The following RNF213 variants were observed in gnomAD, a reference collection of about 807,000 sequenced individuals.
RNF213 encodes the protein ring finger protein 213.
Under a neutral mutation model 514.4 loss-of-function variants are expected in RNF213, and 341 were observed. The observed-to-expected ratio is 0.66, with a 90% confidence interval of 0.61 to 0.73. The LOEUF (loss-of-function observed/expected upper bound fraction) is 0.73. Among genes scored for constraint, RNF213 ranks in the 30% least tolerant of loss-of-function variants. The pLI, the probability that RNF213 is intolerant of heterozygous loss-of-function variation, is 0.00. For synonymous variants in RNF213, 2,655 were observed against 2,658.2 expected, an observed-to-expected ratio of 1.00 and a Z score of 0.04; for missense variants, 5,767 against 6,615.6, an observed-to-expected ratio of 0.87 and a Z score of 4.45.
intron 3 of RNF213, among the ~76,000 whole-genome samples, chr17:80,276,380 G>A (rs998398407): frequency 1.1e-4 from 17 of 152,074 alleles, no homozygotes; most frequent in Non-Finnish European, 1.9e-4. Context: ...GATTACGGGC[G>A]TGAGCCACCA....
chr17:80,267,230 GAAAA>G (rs553350644), intron 2 of RNF213, among the ~76,000 whole-genome samples: 2 of 149,038 alleles, frequency 1.3e-5, no homozygotes, highest in South Asian at 2.1e-4. Context: ...AAAAAAAAAA[GAAAA>G]AAAAGAGACC....
At position 80,263,614 on chromosome 17, in the gene RNF213, G is replaced by T; in HGVS notation, c.-68G>T. 1.6e-6 allele frequency: 2 copies of T among 1,232,060 alleles called. No individual in the cohort carries two copies. Among genetic ancestry groups the T allele is most frequent in the South Asian group, 1.2e-5 (1 of 83,392 alleles). The allele number at this position is 1,232,060 out of a possible 1,614,324, so 76.3% of individuals were successfully genotyped here. On this transcript the variant is annotated 5_prime_UTR_variant, in exon 2 of 68. It removes the in-frame stop codon of an upstream open reading frame in the 5' UTR. Transcript: ENST00000582970. The surrounding 1 kb of genome is among the most constrained non-coding windows in gnomAD (Gnocchi z 4.9). ...CCGTGGTCACGTGACAGGACATGTAGTATATAGCAGGCTGCCAGCGACTCC... is the reference window on the plus strand; with the variant it reads ...CCGTGGTCACGTGACAGGACATGTATTATATAGCAGGCTGCCAGCGACTCC...
In RNF213 at chr17:80,373,120, C is replaced by A. The variant is rs751258219; in HGVS notation, c.12897C>A (p.Gly4299=). ...TCGTGCAGGGCCTCTCCAAGCCCGGCCGCCCGCACCAGTGGGTGTTTCCCA... is the reference window on the plus strand; with the variant it reads ...TCGTGCAGGGCCTCTCCAAGCCCGGACGCCCGCACCAGTGGGTGTTTCCCA... ...MEFVQGLSKP[G]RPHQWVFPKD... is the part of the protein sequence containing the mutation. The change falls in exon 49 of 68, where the codon GGC becomes GGA. Residue 4299 remains glycine (G), a synonymous_variant. Transcript: ENST00000582970. 6.2e-6 allele frequency: 10 copies of A among 1,613,152 alleles called. No homozygotes were observed. In the African/African-American group the frequency reaches 1.1e-4, roughly 17 times the overall value.
At chr17:80,342,713 A>G (rs1159745777) in intron 26 of RNF213, among the ~76,000 whole-genome samples, 1 of 145,124 alleles carries the variant, frequency 6.9e-6, no homozygotes, top group Non-Finnish European at 1.5e-5. Context: ...ATATATACAT[A>G]TATAGTATGT....
At position 80,271,332 on chromosome 17, in the gene RNF213, C is replaced by T. The variant is rs140363426; in HGVS notation, c.98-1909C>T. Among the ~76,000 whole-genome samples, 3 of 152,346 alleles carry T rather than the reference C, an allele frequency of 2.0e-5. No individual in the cohort carries two copies. In the East Asian group the frequency reaches 5.8e-4, roughly 29 times the overall value. On this transcript the variant is annotated intron_variant, in intron 2 of 67. Coordinates refer to ENST00000582970, the MANE Select transcript of RNF213 (RefSeq NM_001256071.3). ...CTAAGGAACTTCACGAATTCTTGAG[C>T]TCTTGGCTACGCCAACACTGAGTAC...
At chr17:80,379,586 C>T (rs2079902527) in intron 54 of RNF213, 34 bp from the exon 55 acceptor site, 1 of 1,586,824 alleles carries the variant, frequency 6.3e-7, no homozygotes, top group Admixed American at 1.7e-5. Flanking sequence ...GGTACTGCTC[C>T]AGAAGTGGTT....
chr17:80,363,067 TAA>T, intron 39 of RNF213, 33 bp from the exon 40 acceptor site: 1 of 1,575,106 alleles, frequency 6.3e-7, no homozygotes, highest in South Asian at 1.1e-5. Context: ...TTTTGTAATT[TAA>T]AAATATATTC....
Position 80,319,330 on chromosome 17 carries a change from C to G in RNF213, c.3024+18C>G, listed in dbSNP as rs1317467160. 2 of 1,614,198 alleles carry G rather than the reference C, an allele frequency of 1.2e-6. No homozygotes were observed. Among genetic ancestry groups the G allele is most frequent in the Non-Finnish European group, 1.7e-6 (2 of 1,180,030 alleles). The stretch of plus-strand genomic sequence containing the variant: ...CCTGCCAGGTGAACAATCTCTCCTC[C>G]TGGGAAACGGATTCGGGCTCACAGC... On this transcript the variant is annotated intron_variant, in intron 17 of 67. Transcript: ENST00000582970.
rs568021618 is a variant in RNF213, at chr17:80,398,326, A to C, written c.*4828A>C. The C allele has an allele frequency of 1.3e-5, 2 of 152,080 alleles. 1 individual carries two copies. The highest frequency in any genetic ancestry group is 1.3e-4 in the Admixed American group (2 of 15,268). 9.4% of individuals were successfully genotyped at this position (152,080 alleles called of 1,614,324 possible). Reference sequence around the variant, plus strand: ...GTGAGCGTAATGTTTTGTCTTGAAGAAGCATGGGTCAAGCACAAAGTAAGA... The same window carrying C: ...GTGAGCGTAATGTTTTGTCTTGAAGCAGCATGGGTCAAGCACAAAGTAAGA... On this transcript the variant is annotated 3_prime_UTR_variant, in exon 68 of 68. Coordinates refer to ENST00000582970, the MANE Select transcript of RNF213 (RefSeq NM_001256071.3).
intron 46 of RNF213, among the ~76,000 whole-genome samples, chr17:80,370,155 C>T (rs774803340): frequency 6.6e-6 from 1 of 152,238 alleles, no homozygotes; most frequent in Non-Finnish European, 1.5e-5. Flanking sequence ...AGGCCAGAAT[C>T]TGTGGTGCTG....
chr17:80,367,660 C>CCCTGAATGTGGTGCT, intron 42 of RNF213, 88 bp from the exon 43 acceptor site: 1 of 980,056 alleles, frequency 1.0e-6, no homozygotes, highest in South Asian at 1.3e-5. Flanking sequence ...GCAGCCTTGG[C>CCCTGAATGTGGTGCT]CCTGAATGTG....
rs748286898 is a variant in RNF213, at chr17:80,369,654, T to C, written c.12308T>C (p.Leu4103Ser). The C allele has an allele frequency of 6.2e-6, 10 of 1,614,122 alleles. No individual in the cohort carries two copies. In the African/African-American group the frequency reaches 1.2e-4, roughly 19 times the overall value. Residue 4103 changes from leucine to serine, a missense_variant, in exon 45 of 68, where the codon TTA (leucine) becomes TCA (serine). By Grantham distance (145) the Leu-to-Ser change is moderately radical (BLOSUM62 -2). Transcript: ENST00000582970. ...LSLLFVQKGR[L>S]RDAAQRHCEH... ...CTCCTCTTCGTCCAAAAGGGGCGCT[T>C]AAGAGATGCTGCCCAGAGTAGGTTG...
rs2080367805 is a variant in RNF213, at chr17:80,389,323, C to G, written c.15151C>G (p.Gln5051Glu). 1 of 1,614,226 alleles carries G rather than the reference C, an allele frequency of 6.2e-7. No homozygotes were observed. The highest frequency in any genetic ancestry group is 8.5e-7 in the Non-Finnish European group (1 of 1,180,040). ...DPNMQLNVYTQDILQMGDQTI... is the reference protein window; with the variant it reads ...DPNMQLNVYTEDILQMGDQTI... Reference sequence around the variant, plus strand: ...AAACATGCAGCTGAATGTGTATACTCAAGACATCCTGCAAATGGGTGATCA... The same window carrying G: ...AAACATGCAGCTGAATGTGTATACTGAAGACATCCTGCAAATGGGTGATCA... The change falls in exon 65 of 68, where the codon CAA becomes GAA. Residue 5051 changes from glutamine to glutamate, a missense_variant. This residue lies in a region of RNF213 where 1,245 missense variants were observed against 1,339.0 expected (regional missense o/e 0.93). Coordinates refer to ENST00000582970, the MANE Select transcript of RNF213 (RefSeq NM_001256071.3).
intron 36 of RNF213, among the ~76,000 whole-genome samples, chr17:80,355,646 CGGGG>C (rs2078762696): frequency 5.5e-5 from 1 of 18,074 alleles, no homozygotes; most frequent in East Asian, 1.2e-3. Flanking sequence ...GGGGAAGAAG[CGGGG>C]TGGACGGGAA....
In RNF213 at chr17:80,339,096, G is replaced by A. The variant is rs1220613810; in HGVS notation, c.4834-105G>A. 7 of 943,422 alleles carry A rather than the reference G, an allele frequency of 7.4e-6. No individual in the cohort carries two copies. In the Middle Eastern group the frequency reaches 1.3e-3, roughly 171 times the overall value. The allele number at this position is 943,422 out of a possible 1,614,324, so 58.4% of individuals were successfully genotyped here. ...TGAGCGCAGATCATGCAGTGGGCCT[G>A]TGGACAGGGCCGTCTTTTGGCGGTA... is the stretch of plus-strand genomic sequence containing the variant. On this transcript the variant is annotated intron_variant, in intron 25 of 67. Transcript: ENST00000582970.
rs1257964609 is a variant in RNF213 at position 80,393,626 on chromosome 17, T to C, written c.*128T>C. 14 of 1,055,310 alleles carry C rather than the reference T, an allele frequency of 1.3e-5. No individual in the cohort carries two copies. The highest frequency in any genetic ancestry group is 1.8e-5 in the Non-Finnish European group (13 of 715,084). 65.4% of individuals were successfully genotyped at this position (1,055,310 alleles called of 1,614,324 possible). On this transcript the variant is annotated 3_prime_UTR_variant, in exon 68 of 68. Coordinates refer to ENST00000582970, the MANE Select transcript of RNF213 (RefSeq NM_001256071.3). ...GGAGAGCTGTCAGCGTAGCACCGAA[T>C]TCAAGACCAAGGCGTGCTACCTGAG...
intron 1 of RNF213, among the ~76,000 whole-genome samples, chr17:80,262,802 C>G (rs899750403): frequency 6.6e-6 from 1 of 152,186 alleles, no homozygotes; most frequent in African/African-American, 2.4e-5. Context: ...AGTGAGCCCA[C>G]CCCAGTGGGA....
At chr17:80,274,866 T>G (rs1385738929) in intron 3 of RNF213, among the ~76,000 whole-genome samples, 32 of 34,728 alleles carry the variant, frequency 9.2e-4, no homozygotes, top group South Asian at 1.2e-3. Context: ...TGTTGGGGGG[T>G]GTGTGAGTGG....
chr17:80,368,713 A>C (rs1296643436), intron 44 of RNF213, among the ~76,000 whole-genome samples: 5 of 152,298 alleles, frequency 3.3e-5, no homozygotes, highest in Admixed American at 2.6e-4. Flanking sequence ...GATTACAGGC[A>C]TGAGTGACCA....
Sources: allele counts gnomAD v4.1 joint callset (sites outside exome capture counted in the v4.1 genomes callset), GRCh38; gene constraint gnomAD v4.1.1; regional missense constraint gnomAD v4.1.1; non-coding constraint Gnocchi (gnomAD v3.1); transcripts MANE v1.5; gene names NCBI Gene and HGNC (gene_info 2026-07-23, HGNC 2026-07-21).